Variants in UNC50 observed in about 807,000 individuals in gnomAD.
UNC50 encodes protein unc-50 homolog.
A neutral mutation model predicts 31.5 loss-of-function variants in UNC50; 24 were observed. The ratio of observed to expected loss-of-function variants is 0.76; its 90% CI spans 0.55 to 1.07. The LOEUF is 1.07. Among genes scored for constraint, UNC50 ranks in the 50% least tolerant of loss-of-function variants. The pLI is 0.00. For missense variants in UNC50, 245 were observed against 304.2 expected (o/e 0.81, Z 1.45); for synonymous variants, 118 against 114.7 (o/e 1.03, Z -0.18).
At position 98,618,337 on chromosome 2, in the gene UNC50, C is replaced by T. The variant is rs1305517383; in HGVS notation, c.*33C>T. On this transcript the variant is annotated 3_prime_UTR_variant, in exon 6 of 6. Transcript: ENST00000357765. ...GAAGAAGATTCAATCGTAACTGTGT[C>T]AACAGTATTGTGAAGTGATCATTTC... 6.3e-7 allele frequency: 1 copy of T among 1,578,016 alleles called. No individual in the cohort carries two copies. Among genetic ancestry groups the T allele is most frequent in the African/African-American group, 1.4e-5 (1 of 72,920 alleles).
chr2:98,611,828 G>T (rs1432499472), intron 3 of UNC50, among the ~76,000 whole-genome samples: 1 of 152,008 alleles, frequency 6.6e-6, no homozygotes, highest in Non-Finnish European at 1.5e-5. Context: ...AGATCTAAAG[G>T]GTTATTTTGT....
In UNC50 at chr2:98,609,785, C is replaced by T. The variant is rs1219593742; in HGVS notation, c.26C>T (p.Ser9Phe). The T allele has an allele frequency of 6.2e-7, 1 of 1,614,180 alleles. No homozygotes were observed. Among genetic ancestry groups the T allele is most frequent in the East Asian group, 2.2e-5 (1 of 44,888 alleles). MLPSTSVN[S>F]LVQGNGVLNS... Reference sequence around the variant, plus strand: ...ATGTTACCGAGTACTTCAGTGAATTCCTTAGTGCAGGGGAACGGAGTCTTG... The same window carrying T: ...ATGTTACCGAGTACTTCAGTGAATTTCTTAGTGCAGGGGAACGGAGTCTTG... Residue 9 changes from serine (S) to phenylalanine (F), a missense_variant, in exon 2 of 6, where the codon TCC becomes TTC. Transcript: ENST00000357765.
rs1480342628 is a variant in UNC50 at position 98,609,737 on chromosome 2, A to G, written c.-4-19A>G. On this transcript the variant is annotated intron_variant, in intron 1 of 5. Transcript: ENST00000357765. ...TTTCTTCAGAATACGTGTAAAAGAA[A>G]TGTTTTTCTTCCATCTAGGAAGATG... 5 of 1,613,718 alleles carry G rather than the reference A, an allele frequency of 3.1e-6. No homozygotes were observed. The highest frequency in any genetic ancestry group is 1.1e-5 in the South Asian group (1 of 91,092).
intron 3 of UNC50, among the ~76,000 whole-genome samples, chr2:98,613,552 T>C (rs527736062): frequency 1.3e-5 from 2 of 152,162 alleles, no homozygotes; most frequent in Non-Finnish European, 2.9e-5. Flanking sequence ...GCCAAATGCT[T>C]ATAAAACCAT....
intron 3 of UNC50, among the ~76,000 whole-genome samples, chr2:98,611,320 T>A (rs551338909): frequency 1.1e-4 from 17 of 152,358 alleles, no homozygotes; most frequent in African/African-American, 4.1e-4. Flanking sequence ...TACATTGTTT[T>A]AATCCAGAAA....
At chr2:98,618,008 A>C in intron 5 of UNC50, 160 bp from the exon 6 acceptor site, 1 of 739,432 alleles carries the variant, frequency 1.4e-6, no homozygotes, top group Non-Finnish European at 2.1e-6. Context: ...GGTTGGGAAG[A>C]GTAGTCTAGT....
rs374311208 is a variant in UNC50 at position 98,609,746 on chromosome 2, T to G, written c.-4-10T>G. The G allele has an allele frequency of 3.1e-5, 50 of 1,613,896 alleles. No individual in the cohort carries two copies. The highest frequency in any genetic ancestry group is 4.2e-5 in the Non-Finnish European group (49 of 1,179,858). ...AATACGTGTAAAAGAAATGTTTTTC[T>G]TCCATCTAGGAAGATGTTACCGAGT... On this transcript the variant is annotated splice_polypyrimidine_tract_variant and intron_variant, in intron 1 of 5. Coordinates refer to ENST00000357765, the MANE Select transcript of UNC50 (RefSeq NM_014044.7).
rs1041470596 is a variant in UNC50 at position 98,616,639 on chromosome 2, C to G, written c.643+106C>G. Reference sequence around the variant, plus strand: ...TTATGGAACACTTACAGGCACTATCCTAAGTATTTTATGTGCATTATCTCA... The same window carrying G: ...TTATGGAACACTTACAGGCACTATCGTAAGTATTTTATGTGCATTATCTCA... On this transcript the variant is annotated intron_variant, in intron 5 of 5. Coordinates refer to ENST00000357765, the MANE Select transcript of UNC50 (RefSeq NM_014044.7). 4 of 813,474 alleles carry G rather than the reference C, an allele frequency of 4.9e-6. No homozygotes were observed. In the African/African-American group the frequency reaches 6.9e-5, roughly 14 times the overall value. The allele number at this position is 813,474 out of a possible 1,614,324, so 50.4% of individuals were successfully genotyped here.
In UNC50 at chr2:98,618,239, T is replaced by C. The variant is rs770932127; in HGVS notation, c.715T>C (p.Ser239Pro). ...ACCTCTGATTCTGCTCTACGGGCTT[T>C]CCCTGGCACTGGGATGGAACTTCAC... ...FAPLILLYGLSLALGWNFTHT... is the reference protein window; with the variant it reads ...FAPLILLYGLPLALGWNFTHT... Residue 239 changes from serine to proline, a missense_variant, in exon 6 of 6, where the codon TCC (serine) becomes CCC (proline). By Grantham distance (74) the Ser-to-Pro change is moderately conservative. Transcript: ENST00000357765. 6.2e-7 allele frequency: 1 copy of C among 1,612,964 alleles called. No homozygotes were observed. Among genetic ancestry groups the C allele is most frequent in the Admixed American group, 1.7e-5 (1 of 59,836 alleles).
intron 3 of UNC50, among the ~76,000 whole-genome samples, chr2:98,611,595 T>C (rs928947030): frequency 6.6e-6 from 1 of 152,198 alleles, no homozygotes; most frequent in Non-Finnish European, 1.5e-5. Context: ...AGGAATAAAA[T>C]AGGAGGCAAG....
chr2:98,617,745 G>GA (rs1166976447), intron 5 of UNC50, among the ~76,000 whole-genome samples: 2 of 152,148 alleles, frequency 1.3e-5, no homozygotes, highest in African/African-American at 4.8e-5. Flanking sequence ...CTTTACACTG[G>GA]AAAATCTCAA....
At chr2:98,615,133 CCTAA>C (rs1259679264) in intron 3 of UNC50, among the ~76,000 whole-genome samples, 3 of 152,212 alleles carry the variant, frequency 2.0e-5, no homozygotes, top group African/African-American at 7.2e-5. Context: ...CGTCACTCTT[CCTAA>C]CTGCTTCTTA....
Position 98,618,156 on chromosome 2 carries a change from T to C in UNC50, c.644-12T>C, listed in dbSNP as rs769580958. ...TTTTTTTTAAATCAGTTTGGATTCC[T>C]TTCTTTTCCAGCATTGCCATTTTTG... On this transcript the variant is annotated splice_polypyrimidine_tract_variant and intron_variant, in intron 5 of 5. Coordinates refer to ENST00000357765, the MANE Select transcript of UNC50 (RefSeq NM_014044.7). The C allele has an allele frequency of 6.5e-7, 1 of 1,532,630 alleles. No homozygotes were observed. The highest frequency in any genetic ancestry group is 8.8e-7 in the Non-Finnish European group (1 of 1,141,492). The allele number at this position is 1,532,630 out of a possible 1,614,324, so 94.9% of individuals were successfully genotyped here. A position where few individuals can be genotyped will look rare whatever the true frequency, so the allele number is the denominator to read the frequency against.
At position 98,609,911 on chromosome 2, in the gene UNC50, GGCAGA is replaced by G; in HGVS notation, c.153_157del (p.Trp51CysfsTer29). The G allele has an allele frequency of 6.2e-7, 1 of 1,614,166 alleles. No individual in the cohort carries two copies. The highest frequency in any genetic ancestry group is 8.5e-7 in the Non-Finnish European group (1 of 1,180,034). The stretch of plus-strand genomic sequence containing the variant: ...CAAATGGACTTTGAATTTGCTGCCT[GGCAGA>G]TGCTCTACCTGTTCACATCCCCACA... On this transcript the variant is annotated frameshift_variant, in exon 2 of 6. Coordinates refer to ENST00000357765, the MANE Select transcript of UNC50 (RefSeq NM_014044.7). LOFTEE classifies it high-confidence loss of function.
rs1700975726 is a variant in UNC50 at position 98,618,371 on chromosome 2, C to CTT, written c.*68_*69dup. The CTT allele has an allele frequency of 6.8e-6, 10 of 1,466,188 alleles. No individual in the cohort carries two copies. In the Admixed American group the frequency reaches 1.0e-4, roughly 15 times the overall value. 90.8% of individuals were successfully genotyped at this position (1,466,188 alleles called of 1,614,324 possible). On this transcript the variant is annotated 3_prime_UTR_variant, in exon 6 of 6. Coordinates refer to ENST00000357765, the MANE Select transcript of UNC50 (RefSeq NM_014044.7). ...TGTGAAGTGATCATTTCTTGTAAAA[C>CTT]TTGTAAATAAACTATCATCTTTGTA...
chr2:98,616,493 A>G lies in UNC50; in HGVS notation c.603A>G (p.Ala201=). The G allele has an allele frequency of 6.2e-7, 1 of 1,614,078 alleles. No individual in the cohort carries two copies. The change falls in exon 5 of 6, where the codon GCA becomes GCG. Residue 201 remains alanine (A), a synonymous_variant. Coordinates refer to ENST00000357765, the MANE Select transcript of UNC50 (RefSeq NM_014044.7). ...YLVGNTLWLV[A]VGYYIYVTFL... ...TTGGAAATACCTTATGGTTGGTTGC[A>G]GTTGGCTATTATATCTATGTAACTT...
At chr2:98,609,350 C>T (rs913010339) in intron 1 of UNC50, 1 of 260,474 alleles carries the variant, frequency 3.8e-6, no homozygotes, top group African/African-American at 2.2e-5. Flanking sequence ...TTCAGTAACA[C>T]TGTTCTAACC....
chr2:98,610,987 C>T, intron 3 of UNC50, 92 bp downstream of exon 3: 1 of 1,426,436 alleles, frequency 7.0e-7, no homozygotes, highest in African/African-American at 1.4e-5. Context: ...GAAATTGAAA[C>T]CCAGGTAGAG....
intron 5 of UNC50, among the ~76,000 whole-genome samples, chr2:98,617,511 G>A (rs1470369181): frequency 2.0e-5 from 3 of 152,110 alleles, no homozygotes; most frequent in East Asian, 1.9e-4. Flanking sequence ...TCCTGGTAAC[G>A]ACCTATACCA....
Sources: gnomAD v4.1 joint callset for allele counts (sites outside exome capture counted in the v4.1 genomes callset) on GRCh38, gnomAD v4.1.1 for gene constraint, MANE v1.5 for transcripts, NCBI Gene and HGNC (gene_info 2026-07-23, HGNC 2026-07-21) for gene names.